Variants in RIMS3 observed in about 807,000 individuals in gnomAD.
RIMS3 encodes the protein regulating synaptic membrane exocytosis protein 3.
In RIMS3, 15 loss-of-function variants were observed where a neutral mutation model predicts 29.2. The ratio of observed to expected loss-of-function variants is 0.51; its 90% CI spans 0.34 to 0.79. The LOEUF (loss-of-function observed/expected upper bound fraction) is 0.79. Ranked by LOEUF, RIMS3 falls within the 30% of genes least tolerant of loss-of-function variation. RIMS3 has a pLI of 0.01. For missense variants in RIMS3, 342 were observed against 421.4 expected, an observed-to-expected ratio of 0.81 and a Z score of 1.65; for synonymous variants, 161 against 170.1, an observed-to-expected ratio of 0.95 and a Z score of 0.41.
At chr1:40,627,508 G>C (rs1570168529) in intron 7 of RIMS3, among the ~76,000 whole-genome samples, 1 of 152,186 alleles carries the variant, frequency 6.6e-6, no homozygotes, top group Admixed American at 6.5e-5. Context: ...GATTACAGGC[G>C]TAAGCCACTG....
At position 40,654,089 on chromosome 1, in the gene RIMS3, A is replaced by G. The variant is rs1003238504; in HGVS notation, c.-206-6247T>C. On this transcript the variant is annotated intron_variant, in intron 1 of 7. Coordinates refer to ENST00000372684, the MANE Select transcript of RIMS3 (RefSeq NM_014747.3). This position sits in a 1 kb window ranked among gnomAD's most constrained non-coding sequence, Gnocchi z 5.3. ...GGGGAGACACGGCAGTACCACGGAC[A>G]GCGGCTGGCGACTCGCTCCCAGTCC... 6.6e-6 allele frequency among the ~76,000 whole-genome samples: 1 copy of G among 151,862 alleles called. No individual in the cohort carries two copies. Among genetic ancestry groups the G allele is most frequent in the South Asian group, 2.1e-4 (1 of 4,814 alleles).
Position 40,628,806 on chromosome 1 carries a change from C to T in RIMS3, c.714+4G>A, listed in dbSNP as rs902072019. 6.2e-7 allele frequency: 1 copy of T among 1,614,150 alleles called. No homozygotes were observed. The highest frequency in any genetic ancestry group is 8.5e-7 in the Non-Finnish European group (1 of 1,180,024). On this transcript the variant is annotated splice_donor_region_variant and intron_variant, in intron 7 of 7. Coordinates refer to ENST00000372684, the MANE Select transcript of RIMS3 (RefSeq NM_014747.3). ...CCCTGCCCTACTTGCCCTGTGACAC[C>T]CACCTGCAGCACCTTGCCCTGGGGT...
the RIMS3 span, among the ~76,000 whole-genome samples, chr1:40,680,430 C>G: frequency 6.7e-6 from 1 of 149,518 alleles, no homozygotes; most frequent in Non-Finnish European, 1.5e-5. Context: ...CTTCTGGGTT[C>G]AAGTGATTCT....
intron 1 of RIMS3, among the ~76,000 whole-genome samples, chr1:40,656,888 G>A (rs1024457479): frequency 3.3e-5 from 5 of 151,782 alleles, no homozygotes; most frequent in South Asian, 2.1e-4. Context: ...TTCTCACTAC[G>A]TGAGCTAATG....
chr1:40,671,428 G>C, the RIMS3 span, among the ~76,000 whole-genome samples: 5 of 152,164 alleles, frequency 3.3e-5, no homozygotes, highest in African/African-American at 1.2e-4. Flanking sequence ...TGTCAAATTT[G>C]TAATCCCCAG....
At chr1:40,645,399 C>A (rs620268) in intron 2 of RIMS3, among the ~76,000 whole-genome samples, 21,727 of 152,100 alleles carry the variant, frequency 0.14, 1,783 homozygotes, top group African/African-American at 0.21. Flanking sequence ...TTCATACTAG[C>A]CAGCTAAGAA....
Position 40,646,522 on chromosome 1 carries a change from C to T in RIMS3, c.-32+1146G>A, listed in dbSNP as rs559060183. On this transcript the variant is annotated intron_variant, in intron 2 of 7. Coordinates refer to ENST00000372684, the MANE Select transcript of RIMS3 (RefSeq NM_014747.3). ...CCTTTCTCAGCCCAGGTCATGGCAC[C>T]GCAGGGAAGGAAACCGTCCTATGAT... 9.9e-5 allele frequency among the ~76,000 whole-genome samples: 15 copies of T among 152,238 alleles called. No individual in the cohort carries two copies. In the East Asian group the frequency reaches 1.4e-3, roughly 14 times the overall value.
At chr1:40,647,039 C>T (rs113194987) in intron 2 of RIMS3, among the ~76,000 whole-genome samples, 1 of 152,108 alleles carries the variant, frequency 6.6e-6, no homozygotes, top group Non-Finnish European at 1.5e-5. Context: ...CACTACCACG[C>T]CCAGCTAATT....
intron 4 of RIMS3, among the ~76,000 whole-genome samples, chr1:40,633,419 A>G (rs979458089): frequency 2.0e-5 from 3 of 152,290 alleles, no homozygotes. Flanking sequence ...ATAACAATAC[A>G]TAATGATGCT....
At chr1:40,671,897 T>G in the RIMS3 span, among the ~76,000 whole-genome samples, 1 of 151,708 alleles carries the variant, frequency 6.6e-6, no homozygotes, top group Non-Finnish European at 1.5e-5. Flanking sequence ...CAAGTAGCTG[T>G]GACTACAGGC....
chr1:40,654,265 C>T lies in RIMS3; in HGVS notation c.-206-6423G>A, dbSNP rs1642240376. ...CCCGCACCAAGCCGGAAGGCGCCGCCCGCGCCTGCTGCCCACCCTGGGGAC... is the reference window on the plus strand; with the variant it reads ...CCCGCACCAAGCCGGAAGGCGCCGCTCGCGCCTGCTGCCCACCCTGGGGAC... On this transcript the variant is annotated intron_variant, in intron 1 of 7. Coordinates refer to ENST00000372684, the MANE Select transcript of RIMS3 (RefSeq NM_014747.3). The surrounding 1 kb of genome is among the most constrained non-coding windows in gnomAD (Gnocchi z 5.3). Among the ~76,000 whole-genome samples, 2 of 152,170 alleles carry T rather than the reference C, an allele frequency of 1.3e-5. No homozygotes were observed. The highest frequency in any genetic ancestry group is 4.1e-4 in the South Asian group (2 of 4,830).
the RIMS3 span, among the ~76,000 whole-genome samples, chr1:40,672,312 C>T: frequency 6.6e-6 from 1 of 151,358 alleles, no homozygotes; most frequent in Non-Finnish European, 1.5e-5. Flanking sequence ...CATTCTCCTG[C>T]CTCAGCCTCC....
chr1:40,641,591 G>C, intron 3 of RIMS3, 118 bp downstream of exon 3: 1 of 961,380 alleles, frequency 1.0e-6, no homozygotes, highest in Non-Finnish European at 1.6e-6. Flanking sequence ...GTATGGGAAG[G>C]GCCACAGTAT....
At chr1:40,629,064 G>C (rs1646471867) in intron 6 of RIMS3, 115 bp from the exon 7 acceptor site, 1 of 1,353,848 alleles carries the variant, frequency 7.4e-7, no homozygotes, top group African/African-American at 1.4e-5. Flanking sequence ...GAATGAGCCA[G>C]CCAGTGGACA....
chr1:40,623,698 C>A lies in RIMS3; in HGVS notation c.*2819G>T. 2.5e-6 allele frequency: 1 copy of A among 394,682 alleles called. No homozygotes were observed. The allele number at this position is 394,682 out of a possible 1,614,324, so 24.4% of individuals were successfully genotyped here. Reference sequence around the variant, plus strand: ...CCTCAAACAGCAGATGCTCCCCCACCCCAGCAAACAACCAGGAGTTACACT... The same window carrying A: ...CCTCAAACAGCAGATGCTCCCCCACACCAGCAAACAACCAGGAGTTACACT... On this transcript the variant is annotated 3_prime_UTR_variant, in exon 8 of 8. Transcript: ENST00000372684.
intron 7 of RIMS3, 89 bp downstream of exon 7, chr1:40,628,721 T>C: frequency 1.3e-6 from 2 of 1,557,402 alleles, no homozygotes; most frequent in Middle Eastern, 1.7e-4. Context: ...CCACAGCACC[T>C]GGCACAGGAT....
chr1:40,662,338 A>G (rs1642364742), intron 1 of RIMS3, among the ~76,000 whole-genome samples: 2 of 152,080 alleles, frequency 1.3e-5, no homozygotes, highest in African/African-American at 4.8e-5. Context: ...TTCATGACTC[A>G]GCTAAGATGT....
At chr1:40,677,526 G>A in the RIMS3 span, among the ~76,000 whole-genome samples, 1 of 151,236 alleles carries the variant, frequency 6.6e-6, no homozygotes, top group East Asian at 2.0e-4. Flanking sequence ...GTGAAACCCC[G>A]TCTTCACTAA....
chr1:40,668,742 G>C (rs557232957), upstream of RIMS3, among the ~76,000 whole-genome samples: 6 of 152,142 alleles, frequency 3.9e-5, no homozygotes, highest in Non-Finnish European at 5.9e-5. Flanking sequence ...TGACTACAAG[G>C]CTTCTATACA....
Sources: allele counts gnomAD v4.1 joint callset (sites outside exome capture counted in the v4.1 genomes callset), GRCh38; gene constraint gnomAD v4.1.1; non-coding constraint Gnocchi (gnomAD v3.1); transcripts MANE v1.5; gene names NCBI Gene and HGNC (gene_info 2026-07-23, HGNC 2026-07-21).